The following NOS1AP variants were observed in gnomAD, a reference collection of about 807,000 sequenced individuals.
NOS1AP encodes the protein carboxyl-terminal PDZ ligand of neuronal nitric oxide synthase protein.
Under a neutral mutation model 56.2 loss-of-function variants are expected in NOS1AP, and 21 were observed. The ratio of observed to expected loss-of-function variants is 0.37; its 90% confidence interval spans 0.26 to 0.54. The LOEUF is 0.54. Among genes scored for constraint, NOS1AP ranks in the 20% least tolerant of loss-of-function variants. The probability of loss-of-function intolerance (pLI) is 0.84; values close to 1 mark genes in which losing one functional copy is unlikely to be tolerated. For synonymous variants in NOS1AP, 270 were observed against 274.6 expected, an observed-to-expected ratio of 0.98 and a Z score of 0.17; for missense variants, 522 against 657.8, an observed-to-expected ratio of 0.79 and a Z score of 2.26.
intron 2 of NOS1AP, among the ~76,000 whole-genome samples, chr1:162,178,444 A>G (rs1651139328): frequency 6.6e-6 from 1 of 152,244 alleles, no homozygotes; most frequent in Admixed American, 6.5e-5. Flanking sequence ...ATGTTTACTG[A>G]GTATGTGCCA....
intron 2 of NOS1AP, among the ~76,000 whole-genome samples, chr1:162,181,710 T>G (rs10918825): frequency 0.53 from 79,983 of 152,034 alleles, 23,143 homozygotes; most frequent in East Asian, 0.77. Flanking sequence ...ATGAGGGGAT[T>G]GATTTGGGCA....
chr1:162,227,790 A>G (rs932807604), intron 2 of NOS1AP, among the ~76,000 whole-genome samples: 2 of 152,218 alleles, frequency 1.3e-5, no homozygotes, highest in African/African-American at 4.8e-5. Context: ...AAACCCTCCT[A>G]TGCAAGATGA....
chr1:162,197,937 A>G (rs141701631), intron 2 of NOS1AP, among the ~76,000 whole-genome samples: 3,502 of 152,320 alleles, frequency 0.023, 67 homozygotes, highest in Non-Finnish European at 0.034. Flanking sequence ...TTTGCAGCAC[A>G]TGCAAAGGAG....
chr1:162,110,689 G>C (rs1647676774), intron 1 of NOS1AP, among the ~76,000 whole-genome samples: 1 of 152,174 alleles, frequency 6.6e-6, no homozygotes, highest in African/African-American at 2.4e-5. Flanking sequence ...ATGATTTCTA[G>C]TTCAATTTAG....
At chr1:162,107,821 A>G (rs941952764) in intron 1 of NOS1AP, among the ~76,000 whole-genome samples, 2 of 152,178 alleles carry the variant, frequency 1.3e-5, no homozygotes, top group Non-Finnish European at 2.9e-5. Context: ...AAAGGTACCC[A>G]AAGTGCAGAA....
At chr1:162,095,482 A>G (rs1355943502) in intron 1 of NOS1AP, among the ~76,000 whole-genome samples, 2 of 152,210 alleles carry the variant, frequency 1.3e-5, no homozygotes, top group African/African-American at 2.4e-5. Context: ...TGTTATAGCA[A>G]CCCCAACTAA....
chr1:162,329,183 TTC>T (rs1656686172), intron 4 of NOS1AP, among the ~76,000 whole-genome samples: 1 of 152,184 alleles, frequency 6.6e-6, no homozygotes, highest in Admixed American at 6.6e-5. Context: ...AGCATAACAG[TTC>T]TGTTAGTAAG....
rs563121345 is a variant in NOS1AP, at chr1:162,362,856, G to T, written c.940-2548G>T. ...TCCATGCCTCCCTTTCCAAAGAGGAGAAAACCTTAATAGCCACCCACCATC... is the reference window on the plus strand; with the variant it reads ...TCCATGCCTCCCTTTCCAAAGAGGATAAAACCTTAATAGCCACCCACCATC... On this transcript the variant is annotated intron_variant, in intron 8 of 9. Transcript: ENST00000361897. 178 of 635,844 alleles carry T rather than the reference G, an allele frequency of 2.8e-4. 1 individual carries two copies. The African/African-American group carries it at 3.4e-3, about 12-fold the overall frequency. The allele number at this position is 635,844 out of a possible 1,614,324, so 39.4% of individuals were successfully genotyped here.
intron 4 of NOS1AP, among the ~76,000 whole-genome samples, chr1:162,314,918 AAAAC>A (rs1656182663): frequency 1.3e-5 from 2 of 152,244 alleles, no homozygotes; most frequent in Non-Finnish European, 2.9e-5. Context: ...GGAGGAGAAA[AAAAC>A]AAACCAATCT....
intron 2 of NOS1AP, among the ~76,000 whole-genome samples, chr1:162,263,637 C>G (rs1654309682): frequency 6.6e-6 from 1 of 152,166 alleles, no homozygotes; most frequent in Admixed American, 6.5e-5. Context: ...TACTCTCACC[C>G]TAGGCAATCT....
chr1:162,145,769 C>G (rs1649436619), intron 1 of NOS1AP, among the ~76,000 whole-genome samples: 1 of 152,060 alleles, frequency 6.6e-6, no homozygotes, highest in African/African-American at 2.4e-5. Flanking sequence ...CTAGGCACGA[C>G]CAGGGTATCA....
Position 162,354,310 on chromosome 1 carries a change from T to A in NOS1AP, c.596-877T>A, listed in dbSNP as rs550106835. On this transcript the variant is annotated intron_variant, in intron 6 of 9. Coordinates refer to ENST00000361897, the MANE Select transcript of NOS1AP (RefSeq NM_014697.3). ...GCAGTAATTAACCTAATTGCAAATA[T>A]AGAAAATGAAAATATTTCCTATGAA... Among the ~76,000 whole-genome samples the A allele has an allele frequency of 8.5e-5, 13 of 152,316 alleles. No individual in the cohort carries two copies. In the South Asian group the frequency reaches 2.7e-3, roughly 32 times the overall value.
In NOS1AP at chr1:162,305,349, T is replaced by TAAC. The variant is rs535528280; in HGVS notation, c.344+4648_344+4650dup. 7.6e-3 allele frequency among the ~76,000 whole-genome samples: 1,152 copies of TAAC among 152,044 alleles called. 16 individuals are homozygous for TAAC. The highest frequency in any genetic ancestry group is 0.026 in the African/African-American group (1,082 of 41,450). On this transcript the variant is annotated intron_variant, in intron 4 of 9. Transcript: ENST00000361897. ...CTAACATCATGGAATCTGAAGAGGT[T>TAAC]AACAACACTATGGTGGACATCTAAA...
chr1:162,238,808 A>G (rs1333797265), intron 2 of NOS1AP, among the ~76,000 whole-genome samples: 2 of 152,362 alleles, frequency 1.3e-5, no homozygotes, highest in African/African-American at 4.8e-5. Context: ...TTAGTTATGA[A>G]GAAGACAGCA....
chr1:162,240,895 C>T (rs915678719), intron 2 of NOS1AP, among the ~76,000 whole-genome samples: 1 of 152,116 alleles, frequency 6.6e-6, no homozygotes, highest in Non-Finnish European at 1.5e-5. Flanking sequence ...GGGATGGTCA[C>T]AGTGGAGTAG....
chr1:162,365,325 C>G (rs1419409989), intron 8 of NOS1AP, 79 bp from the exon 9 acceptor site: 1 of 1,605,450 alleles, frequency 6.2e-7, no homozygotes, highest in Non-Finnish European at 8.5e-7. Context: ...TCCCGGCCAT[C>G]TGCCAGTGAC....
chr1:162,313,610 G>A (rs1656123193), intron 4 of NOS1AP, among the ~76,000 whole-genome samples: 1 of 152,216 alleles, frequency 6.6e-6, no homozygotes, highest in South Asian at 2.1e-4. Context: ...AGAAACTCCT[G>A]TCAGTGAGAT....
intron 1 of NOS1AP, among the ~76,000 whole-genome samples, chr1:162,125,185 G>A (rs372384187): frequency 1.2e-4 from 17 of 146,048 alleles, no homozygotes; most frequent in African/African-American, 4.4e-4. Context: ...CTGGGCTGGA[G>A]TGCAGTGGCA....
At chr1:162,208,568 C>G (rs1652242888) in intron 2 of NOS1AP, among the ~76,000 whole-genome samples, 6 of 152,156 alleles carry the variant, frequency 3.9e-5, no homozygotes, top group Admixed American at 3.9e-4. Flanking sequence ...GTCCTGTGTA[C>G]TGTGGGATGT....
Sources: allele counts gnomAD v4.1 joint callset (sites outside exome capture counted in the v4.1 genomes callset), GRCh38; gene constraint gnomAD v4.1.1; transcripts MANE v1.5; gene names NCBI Gene and HGNC (gene_info 2026-07-23, HGNC 2026-07-21).